DAB1: variants seen among roughly 807,000 people sequenced by gnomAD.
DAB1 encodes disabled homolog 1.
Under a neutral mutation model 64.6 loss-of-function variants are expected in DAB1, and 15 were observed. That is an observed-to-expected ratio of 0.23 (90% CI 0.16 to 0.36). DAB1 has a LOEUF of 0.36. DAB1 is among the 10% of genes least tolerant of loss of function. The pLI is 1.00. For missense variants in DAB1, 596 were observed against 706.7 expected (o/e 0.84, Z 1.78); for synonymous variants, 235 against 251.9 (o/e 0.93, Z 0.64).
intron 1 of DAB1, among the ~76,000 whole-genome samples, chr1:57,355,679 G>T (rs578043669): frequency 6.6e-6 from 1 of 152,058 alleles, no homozygotes; most frequent in African/African-American, 2.4e-5. Flanking sequence ...GGTATTTCAT[G>T]GTATTTTCAA....
chr1:58,090,918 G>C (rs1368307985), intron 5 of DAB1, among the ~76,000 whole-genome samples: 2 of 152,164 alleles, frequency 1.3e-5, no homozygotes, highest in African/African-American at 4.8e-5. Flanking sequence ...CTCTAGGAAA[G>C]AGACTTATAT....
At chr1:57,766,200 A>G (rs1257697858) in intron 6 of DAB1, among the ~76,000 whole-genome samples, 3 of 150,860 alleles carry the variant, frequency 2.0e-5, no homozygotes, top group African/African-American at 7.3e-5. Flanking sequence ...TATAATAGTT[A>G]CCTGATTTCC....
intron 6 of DAB1, among the ~76,000 whole-genome samples, chr1:57,650,227 C>T (rs1646240470): frequency 6.6e-6 from 1 of 152,130 alleles, no homozygotes. Context: ...TCACTGCAGC[C>T]TCAACCTCCT....
In DAB1 at chr1:57,371,402, A is replaced by C. The variant is rs149527032; in HGVS notation, c.-137+52528T>G. On this transcript the variant is annotated intron_variant, in intron 1 of 14. Transcript: ENST00000371236. ...TAGCCGTTCAGCCAATACCAATTCA[A>C]TGTCTGATCTGTGCGCATTACTATT... Among the ~76,000 whole-genome samples the C allele has an allele frequency of 1.7e-3, 253 of 152,340 alleles. 2 individuals carry two copies. The highest frequency in any genetic ancestry group is 5.9e-3 in the African/African-American group (246 of 41,580).
At chr1:57,611,126 G>A (rs1344883045) in intron 7 of DAB1, among the ~76,000 whole-genome samples, 4 of 134,188 alleles carry the variant, frequency 3.0e-5, no homozygotes, top group Non-Finnish European at 4.7e-5. Context: ...GGCGTGCAGT[G>A]GCTTTTTTTT....
At chr1:57,589,690 G>A (rs899408203) in intron 7 of DAB1, among the ~76,000 whole-genome samples, 1 of 152,084 alleles carries the variant, frequency 6.6e-6, no homozygotes, top group Non-Finnish European at 1.5e-5. Flanking sequence ...CCAGGAGGGG[G>A]AGGTTGCAAT....
chr1:57,747,531 C>G (rs530769829), intron 6 of DAB1, among the ~76,000 whole-genome samples: 3 of 152,130 alleles, frequency 2.0e-5, no homozygotes, highest in Admixed American at 1.3e-4. Flanking sequence ...CATTGTAGGC[C>G]AGGCACGGTG....
chr1:57,183,786 T>G (rs772672871), intron 2 of DAB1, among the ~76,000 whole-genome samples: 1 of 152,154 alleles, frequency 6.6e-6, no homozygotes, highest in Admixed American at 6.5e-5. Flanking sequence ...CCAGGAGAGA[T>G]AGGCAGTACT....
At chr1:58,423,557 C>A (rs748400486) in intron 3 of DAB1, among the ~76,000 whole-genome samples, 2 of 152,222 alleles carry the variant, frequency 1.3e-5, no homozygotes, top group Non-Finnish European at 2.9e-5. Context: ...CAGAGCAGCA[C>A]CAGGGTTCCC....
At chr1:57,673,255 T>C (rs1051527887) in intron 6 of DAB1, among the ~76,000 whole-genome samples, 1 of 152,104 alleles carries the variant, frequency 6.6e-6, no homozygotes, top group African/African-American at 2.4e-5. Context: ...ATGAGGGCTC[T>C]ACTCTTCCTA....
At chr1:58,054,876 T>C (rs1647959157) in intron 5 of DAB1, among the ~76,000 whole-genome samples, 1 of 152,296 alleles carries the variant, frequency 6.6e-6, no homozygotes, top group South Asian at 2.1e-4. Context: ...TGAGATTCTG[T>C]GTGAAAAGAT....
intron 4 of DAB1, among the ~76,000 whole-genome samples, chr1:57,085,014 A>G (rs1006289657): frequency 2.6e-5 from 4 of 152,182 alleles, no homozygotes; most frequent in African/African-American, 9.7e-5. Flanking sequence ...TTTTGTGAAA[A>G]TGCACCAAAC....
intron 1 of DAB1, among the ~76,000 whole-genome samples, chr1:57,865,714 T>C (rs1654268526): frequency 6.6e-6 from 1 of 152,150 alleles, no homozygotes; most frequent in Non-Finnish European, 1.5e-5. Context: ...TGTAATTATT[T>C]GTTCAGTATT....
At chr1:57,622,483 T>A (rs1034657129) in intron 7 of DAB1, among the ~76,000 whole-genome samples, 5 of 152,238 alleles carry the variant, frequency 3.3e-5, no homozygotes, top group Admixed American at 1.3e-4. Flanking sequence ...AATAACTGAC[T>A]TAATGATAAC....
intron 1 of DAB1, among the ~76,000 whole-genome samples, chr1:57,419,578 C>G (rs1684748026): frequency 6.6e-6 from 1 of 150,580 alleles, no homozygotes; most frequent in African/African-American, 2.4e-5. Flanking sequence ...GGATACATAA[C>G]TCTCAGAATA....
chr1:58,437,622 T>C (rs1203021800), intron 3 of DAB1, among the ~76,000 whole-genome samples: 1 of 152,246 alleles, frequency 6.6e-6, no homozygotes. Flanking sequence ...TAAGCTCTAA[T>C]GCAAGCAAGA....
chr1:57,931,961 C>T (rs1487937097), intron 5 of DAB1, among the ~76,000 whole-genome samples: 1 of 151,922 alleles, frequency 6.6e-6, no homozygotes, highest in East Asian at 1.9e-4. Flanking sequence ...GATCTTTCTT[C>T]TTTTCTAACA....
At chr1:57,833,652 TGG>T (rs1652687100) in intron 1 of DAB1, among the ~76,000 whole-genome samples, 1 of 152,202 alleles carries the variant, frequency 6.6e-6, no homozygotes, top group Non-Finnish European at 1.5e-5. Context: ...TAAAAATAGT[TGG>T]TGAATTGAGG....
At chr1:58,074,549 CATATATATATGTGTGT>C (rs1557638916) in intron 5 of DAB1, 18 of 66,394 alleles carry the variant, frequency 2.7e-4, no homozygotes, top group Non-Finnish European at 3.4e-4. Context: ...TATATACACA[CATATATATATGTGTGT>C]ATATATATAT....
Sources: allele counts gnomAD v4.1 joint callset (sites outside exome capture counted in the v4.1 genomes callset), GRCh38; gene constraint gnomAD v4.1.1; transcripts MANE v1.5; gene names NCBI Gene and HGNC (gene_info 2026-07-23, HGNC 2026-07-21).